SLC15A5: variants seen among roughly 807,000 people sequenced by gnomAD.
The protein encoded by SLC15A5 is Peptide/histidine transporter ENSP00000340402.
In SLC15A5, 58 loss-of-function variants were observed where a neutral mutation model predicts 56.1. That is an observed-to-expected ratio of 1.03 (90% CI 0.84 to 1.29). The LOEUF (loss-of-function observed/expected upper bound fraction) is 1.29, where lower values mean the gene tolerates loss of function less well. Ranked by LOEUF, SLC15A5 falls within the 50% of genes most tolerant of loss-of-function variation. The pLI is 0.00. For synonymous variants in SLC15A5, 264 were observed against 250.5 expected (o/e 1.05, Z -0.51); for missense variants, 681 against 672.1 (o/e 1.01, Z -0.15).
At chr12:16,238,903 G>A (rs1379267787) in intron 5 of SLC15A5, among the ~76,000 whole-genome samples, 1 of 152,188 alleles carries the variant, frequency 6.6e-6, no homozygotes. Flanking sequence ...GGGCACTGAT[G>A]TCATCCTGAG....
intron 4 of SLC15A5, 100 bp from the exon 5 acceptor site, chr12:16,239,967 T>C: frequency 9.8e-7 from 1 of 1,025,638 alleles, no homozygotes; most frequent in Non-Finnish European, 1.4e-6. Context: ...TACTCTGTGA[T>C]GGATGAGCTG....
chr12:16,263,723 G>C (rs1005834519), intron 2 of SLC15A5, among the ~76,000 whole-genome samples: 63 of 152,002 alleles, frequency 4.1e-4, no homozygotes, highest in African/African-American at 1.5e-3. Context: ...TTGGTGCCCT[G>C]TGTCCCAGCT....
Position 16,235,789 on chromosome 12 carries a change from A to G in SLC15A5, c.1162+3892T>C, listed in dbSNP as rs530822149. On this transcript the variant is annotated intron_variant, in intron 5 of 8. Transcript: ENST00000344941. This position sits in a 1 kb window ranked among gnomAD's most constrained non-coding sequence, Gnocchi z 4.1. ...CTGAGATAATTGTACTTGCAATGAA[A>G]ATAACTGGATCCTTGACTTGGCTTT... is the stretch of plus-strand genomic sequence containing the variant. 1.7e-4 allele frequency among the ~76,000 whole-genome samples: 26 copies of G among 152,268 alleles called. No homozygotes were observed. Among genetic ancestry groups the G allele is most frequent in the African/African-American group, 6.0e-4 (25 of 41,562 alleles).
chr12:16,217,063 C>T, intron 6 of SLC15A5, 39 bp from the exon 7 acceptor site: 1 of 1,507,668 alleles, frequency 6.6e-7, no homozygotes, highest in South Asian at 1.3e-5. Flanking sequence ...GAACTTTCTC[C>T]TGAAAATGCT....
At position 16,216,922 on chromosome 12, in the gene SLC15A5, AG is replaced by A. The variant is rs1444384660; in HGVS notation, c.1453del (p.Leu485TrpfsTer2). On this transcript the variant is annotated frameshift_variant, in exon 7 of 9. Coordinates refer to ENST00000344941, the MANE Select transcript of SLC15A5 (RefSeq NM_001170798.1). LOFTEE classifies it high-confidence loss of function. ...NGFGCFTGAL[L>X]VKLVYLISDG... ...TGAGATGAGATATACCAACTTCACC[AG>A]CAGTGCCCCTGTGAAACAGCCAAAT... 1.3e-6 allele frequency: 2 copies of A among 1,536,658 alleles called. No individual in the cohort carries two copies. Among genetic ancestry groups the A allele is most frequent in the Non-Finnish European group, 1.7e-6 (2 of 1,146,622 alleles).
chr12:16,252,635 T>C (rs1362709571), intron 3 of SLC15A5, among the ~76,000 whole-genome samples: 1 of 151,972 alleles, frequency 6.6e-6, no homozygotes, highest in Non-Finnish European at 1.5e-5. Flanking sequence ...TATAAAACTT[T>C]ACTAAAAAAA....
chr12:16,211,655 A>G (rs987388287), intron 7 of SLC15A5, among the ~76,000 whole-genome samples: 1 of 152,182 alleles, frequency 6.6e-6, no homozygotes, highest in Admixed American at 6.5e-5. Context: ...TGCTAATGGG[A>G]TAGAGTCGAA....
At chr12:16,234,030 T>C (rs1864324121) in intron 5 of SLC15A5, among the ~76,000 whole-genome samples, 1 of 152,174 alleles carries the variant, frequency 6.6e-6, no homozygotes, top group Admixed American at 6.5e-5. Flanking sequence ...GAGTAATTTA[T>C]AAAGAATAGA....
At chr12:16,224,645 G>T (rs1565663040) in intron 5 of SLC15A5, 43 bp from the exon 6 acceptor site, 1 of 1,487,886 alleles carries the variant, frequency 6.7e-7, no homozygotes, top group Non-Finnish European at 9.0e-7. Context: ...TAAACGAAGA[G>T]CTAGAGATTC....
In SLC15A5 at chr12:16,196,815, A is replaced by G. The variant is rs1863898711; in HGVS notation, c.1484-2362T>C. Among the ~76,000 whole-genome samples, 1 of 152,114 alleles carries G rather than the reference A, an allele frequency of 6.6e-6. No individual in the cohort carries two copies. Among genetic ancestry groups the G allele is most frequent in the Non-Finnish European group, 1.5e-5 (1 of 68,020 alleles). ...GAGGAAGAAGAATATAAATTCACTA[A>G]GATCTTTAAAGGTAAAACATAATAT... On this transcript the variant is annotated intron_variant, in intron 7 of 8. Transcript: ENST00000344941. The surrounding 1 kb of genome is among the most constrained non-coding windows in gnomAD (Gnocchi z 4.0).
At chr12:16,205,991 T>C (rs1252889955) in intron 7 of SLC15A5, among the ~76,000 whole-genome samples, 1 of 152,178 alleles carries the variant, frequency 6.6e-6, no homozygotes, top group Non-Finnish European at 1.5e-5. Context: ...AAGTCCAAAA[T>C]TGTCGAGACA....
At chr12:16,247,663 TAG>T in intron 3 of SLC15A5, among the ~76,000 whole-genome samples, 1 of 152,012 alleles carries the variant, frequency 6.6e-6, no homozygotes, top group Admixed American at 6.6e-5. Context: ...TATCATGAAG[TAG>T]AAATTAGCCA....
chr12:16,270,768 A>G (rs1350791610), intron 2 of SLC15A5, among the ~76,000 whole-genome samples: 1 of 152,172 alleles, frequency 6.6e-6, no homozygotes, highest in Non-Finnish European at 1.5e-5. Context: ...GTCTCTGTCC[A>G]TCTTGTCACC....
Position 16,216,958 on chromosome 12 carries a change from A to T in SLC15A5, c.1418T>A (p.Leu473Gln). 6.5e-7 allele frequency: 1 copy of T among 1,536,928 alleles called. No individual in the cohort carries two copies. ...TGTGAAACAGCCAAATCCATTGAAC[A>T]GTGTCAGAAAATTCATGGAGGTTCC... Reference protein sequence around the residue: ...VRGTSMNFLTLFNGFGCFTGA... With the variant: ...VRGTSMNFLTQFNGFGCFTGA... Residue 473 changes from leucine to glutamine, a missense_variant, in exon 7 of 9, where the codon CTG (leucine) becomes CAG (glutamine). Coordinates refer to ENST00000344941, the MANE Select transcript of SLC15A5 (RefSeq NM_001170798.1).
chr12:16,241,517 G>A lies in SLC15A5; in HGVS notation c.976-1650C>T, dbSNP rs533174780. Among the ~76,000 whole-genome samples, 4 of 152,294 alleles carry A rather than the reference G, an allele frequency of 2.6e-5. No homozygotes were observed. The East Asian group carries it at 7.7e-4, about 29-fold the overall frequency. ...TTCTTTCTGTAGACAACGTGTCCTG[G>A]TGATCATTTATCTCCCAATCTTTAA... On this transcript the variant is annotated intron_variant, in intron 4 of 8. Coordinates refer to ENST00000344941, the MANE Select transcript of SLC15A5 (RefSeq NM_001170798.1).
rs562615017 is a variant in SLC15A5, at chr12:16,272,659, A to G, written c.486T>C (p.Ile162=). 1 of 1,537,112 alleles carries G rather than the reference A, an allele frequency of 6.5e-7. No homozygotes were observed. The highest frequency in any genetic ancestry group is 1.4e-5 in the African/African-American group (1 of 73,158). The part of the protein sequence containing the change: ...HRLFYVALLT[I]CLGIGGVRAI... ...CTCTTACGCCTCCAATGCCAAGGCA[A>G]ATGGTCAGCAGTGCTACATAAAACA... The change falls in exon 2 of 9, where the codon ATT becomes ATC. Residue 162 remains isoleucine (I), a synonymous_variant. Coordinates refer to ENST00000344941, the MANE Select transcript of SLC15A5 (RefSeq NM_001170798.1).
chr12:16,201,447 A>G (rs1863954657), intron 7 of SLC15A5, among the ~76,000 whole-genome samples: 1 of 152,104 alleles, frequency 6.6e-6, no homozygotes, highest in African/African-American at 2.4e-5. Flanking sequence ...CAGACAACTG[A>G]TTTTTGACAA....
intron 6 of SLC15A5, among the ~76,000 whole-genome samples, chr12:16,218,248 T>G (rs2136246958): frequency 6.6e-6 from 1 of 152,322 alleles, no homozygotes; most frequent in South Asian, 2.1e-4. Flanking sequence ...GGAAATACAC[T>G]AAATAATATT....
intron 8 of SLC15A5, among the ~76,000 whole-genome samples, chr12:16,193,816 A>C (rs866234733): frequency 3.0e-5 from 4 of 134,606 alleles, no homozygotes; most frequent in Admixed American, 1.4e-4. Flanking sequence ...AGAGAGAGAG[A>C]GAGAGAGAGA....
Sources: gnomAD v4.1 joint callset for allele counts (sites outside exome capture counted in the v4.1 genomes callset) on GRCh38, gnomAD v4.1.1 for gene constraint, Gnocchi (gnomAD v3.1) non-coding constraint, MANE v1.5 for transcripts, NCBI Gene and HGNC (gene_info 2026-07-23, HGNC 2026-07-21) for gene names.